The following SLC35F1 variants were observed in gnomAD, a reference collection of about 807,000 sequenced individuals.
SLC35F1 encodes the protein chromosome 6 open reading frame 169.
In SLC35F1, 14 loss-of-function variants were observed where a neutral mutation model predicts 48.7. The observed-to-expected ratio is 0.29, with a 90% CI of 0.19 to 0.45. The LOEUF (loss-of-function observed/expected upper bound fraction) is 0.45, where lower values mean the gene tolerates loss of function less well. Among genes scored for constraint, SLC35F1 ranks in the 20% least tolerant of loss-of-function variants. SLC35F1 has a pLI of 1.00. For synonymous variants in SLC35F1, 190 were observed against 202.2 expected (o/e 0.94, Z 0.51); for missense variants, 404 against 500.0 (o/e 0.81, Z 1.83).
At chr6:118,001,058 C>G (rs922116451) in intron 1 of SLC35F1, among the ~76,000 whole-genome samples, 1 of 152,086 alleles carries the variant, frequency 6.6e-6, no homozygotes, top group Non-Finnish European at 1.5e-5. Context: ...CCATCCCCAT[C>G]AAGCTACCAA....
chr6:118,229,975 C>T (rs942027856), intron 2 of SLC35F1, among the ~76,000 whole-genome samples: 4 of 152,166 alleles, frequency 2.6e-5, no homozygotes, highest in Non-Finnish European at 5.9e-5. Flanking sequence ...ACACATTTGC[C>T]ATACTCTACA....
At position 117,923,723 on chromosome 6, in the gene SLC35F1, A is replaced by G. The variant is rs201754887; in HGVS notation, c.173+15824A>G. ...TACATATATGTACATATATACATATATACATATGTATATATACATATATGT... is the reference window on the plus strand; with the variant it reads ...TACATATATGTACATATATACATATGTACATATGTATATATACATATATGT... On this transcript the variant is annotated intron_variant, in intron 1 of 7. Coordinates refer to ENST00000360388, the MANE Select transcript of SLC35F1 (RefSeq NM_001029858.4). 1.9e-3 allele frequency among the ~76,000 whole-genome samples: 131 copies of G among 67,956 alleles called. 14 individuals are homozygous for G. The highest frequency in any genetic ancestry group is 0.011 in the African/African-American group (112 of 10,278). The allele number at this position is 67,956 out of a possible 152,430, so 44.6% of individuals were successfully genotyped here.
At chr6:118,065,501 A>G (rs1772599295) in intron 1 of SLC35F1, among the ~76,000 whole-genome samples, 1 of 152,184 alleles carries the variant, frequency 6.6e-6, no homozygotes, top group Non-Finnish European at 1.5e-5. Flanking sequence ...CCCTGACTTG[A>G]TCATTACACA....
chr6:118,276,904 A>G (rs1000524008), intron 5 of SLC35F1, among the ~76,000 whole-genome samples: 34 of 152,228 alleles, frequency 2.2e-4, no homozygotes, highest in African/African-American at 7.7e-4. Context: ...AGTGATACCA[A>G]TGCCACCTCC....
chr6:118,226,505 C>CACACAA (rs1276455218), intron 2 of SLC35F1, among the ~76,000 whole-genome samples: 1 of 151,886 alleles, frequency 6.6e-6, no homozygotes, highest in African/African-American at 2.4e-5. Flanking sequence ...CACACACACA[C>CACACAA]AATGGAATAT....
intron 1 of SLC35F1, among the ~76,000 whole-genome samples, chr6:118,118,559 A>G (rs1397548611): frequency 6.6e-6 from 1 of 152,112 alleles, no homozygotes; most frequent in African/African-American, 2.4e-5. Context: ...ATGATTAGTG[A>G]TATACAGCAT....
rs151000427 is a variant in SLC35F1 at position 118,156,354 on chromosome 6, C to T, written c.349+1734C>T. ...CCTGAGAACATGTGCCCAAGGTGGT[C>T]GGGGTGCAGCTTGGTTTTATATTTA... is the stretch of plus-strand genomic sequence containing the variant. On this transcript the variant is annotated intron_variant, in intron 2 of 7. Coordinates refer to ENST00000360388, the MANE Select transcript of SLC35F1 (RefSeq NM_001029858.4). Among the ~76,000 whole-genome samples the T allele has an allele frequency of 5.9e-3, 894 of 151,996 alleles. 4 individuals carry two copies. Among genetic ancestry groups the T allele is most frequent in the Middle Eastern group, 0.014 (4 of 294 alleles).
At chr6:118,070,742 T>C (rs930214067) in intron 1 of SLC35F1, among the ~76,000 whole-genome samples, 1 of 150,118 alleles carries the variant, frequency 6.7e-6, no homozygotes, top group Non-Finnish European at 1.5e-5. Context: ...TTATGATAGA[T>C]GAATACTTAG....
intron 2 of SLC35F1, among the ~76,000 whole-genome samples, chr6:118,221,669 G>A (rs1351118359): frequency 1.3e-5 from 2 of 152,098 alleles, no homozygotes; most frequent in Non-Finnish European, 2.9e-5. Flanking sequence ...CAATCTTATA[G>A]AAAAGTAGAC....
At chr6:118,026,604 T>G (rs948592034) in intron 1 of SLC35F1, among the ~76,000 whole-genome samples, 5 of 152,218 alleles carry the variant, frequency 3.3e-5, no homozygotes, top group Admixed American at 6.5e-5. Flanking sequence ...ACTTCTGTTT[T>G]GTTTGCAAAG....
chr6:118,192,968 A>G (rs1200877937), intron 2 of SLC35F1, among the ~76,000 whole-genome samples: 1 of 152,178 alleles, frequency 6.6e-6, no homozygotes, highest in East Asian at 1.9e-4. Context: ...TCATTTAGCC[A>G]AAATGATGAC....
intron 2 of SLC35F1, among the ~76,000 whole-genome samples, chr6:118,159,462 C>T (rs1282220173): frequency 6.6e-6 from 1 of 152,092 alleles, no homozygotes; most frequent in Non-Finnish European, 1.5e-5. Flanking sequence ...CCAAACAACT[C>T]ATACAAAGTG....
At chr6:118,244,655 A>G (rs1227091073) in intron 3 of SLC35F1, among the ~76,000 whole-genome samples, 1 of 152,156 alleles carries the variant, frequency 6.6e-6, no homozygotes, top group Non-Finnish European at 1.5e-5. Context: ...CTTCATCTTC[A>G]GTTTTCTTAT....
chr6:118,299,780 T>C (rs1776234527), intron 7 of SLC35F1, among the ~76,000 whole-genome samples: 1 of 152,158 alleles, frequency 6.6e-6, no homozygotes, highest in African/African-American at 2.4e-5. Context: ...TAGAGGTCAG[T>C]GAAAATAAGG....
chr6:118,139,410 C>G (rs1172882606), intron 1 of SLC35F1, among the ~76,000 whole-genome samples: 1 of 152,132 alleles, frequency 6.6e-6, no homozygotes, highest in Admixed American at 6.5e-5. Flanking sequence ...CCGCGCCCAG[C>G]CTTTAAAACT....
At chr6:118,053,597 A>G (rs1046823404) in intron 1 of SLC35F1, among the ~76,000 whole-genome samples, 1 of 152,154 alleles carries the variant, frequency 6.6e-6, no homozygotes, top group Admixed American at 6.5e-5. Flanking sequence ...GTGAACATAT[A>G]ACTTAATATT....
At chr6:118,208,165 C>T (rs894915851) in intron 2 of SLC35F1, among the ~76,000 whole-genome samples, 7 of 152,296 alleles carry the variant, frequency 4.6e-5, no homozygotes, top group African/African-American at 1.7e-4. Context: ...CAGTGGTACC[C>T]CCGCTGCCTG....
intron 2 of SLC35F1, among the ~76,000 whole-genome samples, chr6:118,157,290 A>G (rs796315575): frequency 8.5e-5 from 13 of 152,200 alleles, no homozygotes; most frequent in African/African-American, 3.1e-4. Flanking sequence ...TTTGAAAAAA[A>G]GGAGAGGTTT....
chr6:118,237,324 AACACACACACAC>A (rs67116512), intron 3 of SLC35F1, among the ~76,000 whole-genome samples: 10 of 149,614 alleles, frequency 6.7e-5, no homozygotes, highest in African/African-American at 2.5e-4. Flanking sequence ...ATTCTAAGAA[AACACACACACAC>A]ACACACACAC....
Sources: gnomAD v4.1 joint callset for allele counts (sites outside exome capture counted in the v4.1 genomes callset) on GRCh38, gnomAD v4.1.1 for gene constraint, MANE v1.5 for transcripts, NCBI Gene and HGNC (gene_info 2026-07-23, HGNC 2026-07-21) for gene names.